RTEL1: variants seen among roughly 807,000 people sequenced by gnomAD.
The protein encoded by RTEL1 is regulator of telomere length.
Under a neutral mutation model 162.2 loss-of-function variants are expected in RTEL1, and 86 were observed. The observed-to-expected ratio is 0.53, with a 90% confidence interval of 0.45 to 0.63. RTEL1 has a LOEUF of 0.63. Ranked by LOEUF, RTEL1 falls within the 30% of genes least tolerant of loss-of-function variation. The pLI, the probability that RTEL1 is intolerant of heterozygous loss-of-function variation, is 0.00. For synonymous variants in RTEL1, 958 were observed against 717.9 expected, an observed-to-expected ratio of 1.33 and a Z score of -5.35; for missense variants, 1,941 against 1,750.2, an observed-to-expected ratio of 1.11 and a Z score of -1.95.
intron 24 of RTEL1, 68 bp downstream of exon 24, chr20:63,689,933 C>G (rs2090688542): frequency 6.4e-7 from 1 of 1,558,998 alleles, no homozygotes; most frequent in Non-Finnish European, 8.7e-7. Flanking sequence ...CCCCTGGACT[C>G]TCCTTCCCCA....
chr20:63,676,702 C>G (rs1028544659), intron 10 of RTEL1, among the ~76,000 whole-genome samples: 8 of 152,092 alleles, frequency 5.3e-5, no homozygotes, highest in Admixed American at 2.0e-4. Flanking sequence ...TTGGGAGGCC[C>G]AGGCAGGCGG....
Position 63,691,952 on chromosome 20 carries a change from AGCTGATGTCCAGGGCAGCTGTGAT to A in RTEL1, c.2652+121_2652+144del, listed in dbSNP as rs2090756946. On this transcript the variant is annotated intron_variant, in intron 28 of 34. Transcript: ENST00000360203. ...TGGGACCAGGGAATCCACCCCCAGG[AGCTGATGTCCAGGGCAGCTGTGAT>A]GCTGACGGCCAGGGGCTCAAGTGTG... The A allele has an allele frequency of 8.0e-6, 6 of 749,108 alleles. No individual in the cohort carries two copies. In the South Asian group the frequency reaches 8.1e-5, roughly 10 times the overall value. 46.4% of individuals were successfully genotyped at this position (749,108 alleles called of 1,614,324 possible). A position where few individuals can be genotyped will look rare whatever the true frequency, so the allele number is the denominator to read the frequency against.
intron 31 of RTEL1, 48 bp from the exon 32 acceptor site, chr20:63,694,693 C>G (rs2090925231): frequency 1.4e-6 from 2 of 1,476,034 alleles, no homozygotes; most frequent in Non-Finnish European, 9.2e-7. Flanking sequence ...GTGGGACTCT[C>G]AGTCCTCCAC....
intron 8 of RTEL1, 66 bp downstream of exon 8, chr20:63,667,619 C>A: frequency 7.7e-7 from 1 of 1,294,614 alleles, no homozygotes; most frequent in Non-Finnish European, 1.1e-6. Flanking sequence ...TTGGGAACAG[C>A]TGTCCGAGCC....
intron 9 of RTEL1, 41 bp from the exon 10 acceptor site, chr20:63,673,899 C>A: frequency 6.4e-7 from 1 of 1,568,432 alleles, no homozygotes. Context: ...ACCCCCGATC[C>A]TGTCCTGTTC....
rs761587168 is a variant in RTEL1 at position 63,688,179 on chromosome 20, G to A, written c.1636G>A (p.Gly546Ser). The stretch of plus-strand genomic sequence containing the variant: ...CTTATCCTCCCTGGGGAAGGCTCTG[G>A]GTGAGTGCCCTGAATGCCCCAGCTG... The part of the protein sequence containing the change: ...ECLSSLGKAL[G>S]NIARVVPYGL... Residue 546 changes from glycine to serine, a missense_variant and splice_region_variant, in exon 19 of 35, where the codon GGC (glycine) becomes AGC (serine). Physicochemically the swap from Gly to Ser is moderately conservative, Grantham distance 56. Transcript: ENST00000360203. 1 of 1,611,918 alleles carries A rather than the reference G, an allele frequency of 6.2e-7. No individual in the cohort carries two copies.
chr20:63,661,892 C>T lies in RTEL1; in HGVS notation c.344C>T (p.Thr115Ile). ...CCAAAGATTATTTACGCCTCCAGGA[C>T]CCACTCGCAACTCACACAGGTCATC... ...DIPKIIYASRTHSQLTQVINE... is the reference protein window; with the variant it reads ...DIPKIIYASRIHSQLTQVINE... The change falls in exon 4 of 35, where the codon ACC becomes ATC. Residue 115 changes from threonine (T) to isoleucine (I), a missense_variant. Thr to Ile is a moderately conservative substitution (Grantham distance 89, BLOSUM62 -1). Transcript: ENST00000360203. The surrounding 1 kb of genome is among the most constrained non-coding windows in gnomAD (Gnocchi z 5.1). The T allele has an allele frequency of 1.2e-6, 2 of 1,614,064 alleles. No individual in the cohort carries two copies. The highest frequency in any genetic ancestry group is 1.7e-6 in the Non-Finnish European group (2 of 1,179,996).
intron 8 of RTEL1, among the ~76,000 whole-genome samples, chr20:63,671,771 G>A (rs1223871162): frequency 6.6e-5 from 10 of 151,492 alleles, no homozygotes; most frequent in East Asian, 1.9e-4. Context: ...GCTTGCAGGC[G>A]TGAGCCACCA....
At position 63,689,616 on chromosome 20, in the gene RTEL1, G is replaced by A. The variant is rs768397005; in HGVS notation, c.1993G>A (p.Glu665Lys). ...RVVLKMQFLD[E>K]MKGQGGAGGQ... The stretch of plus-strand genomic sequence containing the variant: ...TGTCCTCAAGATGCAGTTCCTGGAT[G>A]AGATGAAGGGCCAGGGTGGGGCTGG... The change falls in exon 23 of 35, where the codon GAG becomes AAG. Residue 665 changes from glutamate to lysine, a missense_variant. Transcript: ENST00000360203. The A allele has an allele frequency of 5.6e-6, 9 of 1,612,152 alleles. No homozygotes were observed. The highest frequency in any genetic ancestry group is 7.6e-6 in the Non-Finnish European group (9 of 1,179,656).
intron 10 of RTEL1, among the ~76,000 whole-genome samples, chr20:63,675,877 G>A (rs1004588490): frequency 1.3e-5 from 2 of 152,130 alleles, no homozygotes; most frequent in African/African-American, 2.4e-5. Flanking sequence ...CCATTTCATC[G>A]CTTACATAAC....
At chr20:63,659,948 G>A (rs1198802987) in intron 2 of RTEL1, among the ~76,000 whole-genome samples, 1 of 152,174 alleles carries the variant, frequency 6.6e-6, no homozygotes. Flanking sequence ...GCAAGAAAAC[G>A]TGAGCAAAGG....
In RTEL1 at chr20:63,690,788, C is replaced by G. The variant is rs779901019; in HGVS notation, c.2414-17C>G. The G allele has an allele frequency of 1.1e-5, 18 of 1,593,856 alleles. No individual in the cohort carries two copies. In the East Asian group the frequency reaches 3.4e-4, roughly 30 times the overall value. On this transcript the variant is annotated splice_polypyrimidine_tract_variant and intron_variant, in intron 26 of 34. Coordinates refer to ENST00000360203, the MANE Select transcript of RTEL1 (RefSeq NM_001283009.2). The stretch of plus-strand genomic sequence containing the variant: ...GGCCCCCCGTGGGCTTCACTGCGCA[C>G]TCGGGTGCCCCTGCAGGGTCACCAG...
At chr20:63,691,638 G>A in intron 27 of RTEL1, 104 bp from the exon 28 acceptor site, 3 of 992,716 alleles carry the variant, frequency 3.0e-6, no homozygotes, top group Middle Eastern at 2.1e-4. Flanking sequence ...CTCCATCTTG[G>A]CTCAGGGCTC....
chr20:63,688,092 GGAGCACT>G, intron 18 of RTEL1, 40 bp from the exon 19 acceptor site: 2 of 1,612,090 alleles, frequency 1.2e-6, no homozygotes, highest in Non-Finnish European at 1.7e-6. Context: ...GGGAGGTGGG[GGAGCACT>G]GAGGCCTGAG....
At chr20:63,691,632 A>C (rs1180083146) in intron 27 of RTEL1, 110 bp from the exon 28 acceptor site, 3 of 909,974 alleles carry the variant, frequency 3.3e-6, no homozygotes, top group East Asian at 2.5e-5. Flanking sequence ...CCCGACCTCC[A>C]TCTTGGCTCA....
At chr20:63,685,895 TC>T in intron 16 of RTEL1, 23 bp downstream of exon 16, 2 of 1,604,734 alleles carry the variant, frequency 1.2e-6, no homozygotes, top group Non-Finnish European at 1.7e-6. Flanking sequence ...GCCCACACGC[TC>T]CCCGCCCGCC....
chr20:63,661,968 TCTCGGGGTC>T lies in RTEL1; in HGVS notation c.395+29_395+37del. On this transcript the variant is annotated intron_variant, in intron 4 of 34. Transcript: ENST00000360203. This position sits in a 1 kb window ranked among gnomAD's most constrained non-coding sequence, Gnocchi z 5.1. ...GGTGGGTCAGACGAGTTTACACCTG[TCTCGGGGTC>T]CTCAAGAGAACCAGCTTGGCATGGT... The T allele has an allele frequency of 6.4e-7, 1 of 1,568,674 alleles. No individual in the cohort carries two copies. The highest frequency in any genetic ancestry group is 8.8e-7 in the Non-Finnish European group (1 of 1,138,730).
chr20:63,689,585 C>G lies in RTEL1; in HGVS notation c.1962C>G (p.Pro654=), dbSNP rs1427923367. 6.2e-7 allele frequency: 1 copy of G among 1,612,420 alleles called. No individual in the cohort carries two copies. The highest frequency in any genetic ancestry group is 8.5e-7 in the Non-Finnish European group (1 of 1,179,794). The change falls in exon 23 of 35, where the codon CCC becomes CCG. Residue 654 remains proline (P), a synonymous_variant. Transcript: ENST00000360203. ...TCCCGTACCCCCCACGCATGGACCCCCGGGTTGTCCTCAAGATGCAGTTCC... is the reference window on the plus strand; with the variant it reads ...TCCCGTACCCCCCACGCATGGACCCGCGGGTTGTCCTCAAGATGCAGTTCC... The part of the protein sequence containing the change: ...TGLPYPPRMD[P]RVVLKMQFLD...
chr20:63,679,149 G>A (rs900727877), intron 12 of RTEL1, among the ~76,000 whole-genome samples: 5 of 152,194 alleles, frequency 3.3e-5, no homozygotes, highest in African/African-American at 1.2e-4. Flanking sequence ...AGGGCAGCAG[G>A]GTTTGCTGTC....
Sources: gnomAD v4.1 joint callset for allele counts (sites outside exome capture counted in the v4.1 genomes callset) on GRCh38, gnomAD v4.1.1 for gene constraint, Gnocchi (gnomAD v3.1) non-coding constraint, MANE v1.5 for transcripts, NCBI Gene and HGNC (gene_info 2026-07-23, HGNC 2026-07-21) for gene names.